Variants in TENM3 observed in about 807,000 individuals in gnomAD.
TENM3 encodes teneurin transmembrane protein 3.
Under a neutral mutation model 255.1 loss-of-function variants are expected in TENM3, and 63 were observed. The ratio of observed to expected loss-of-function variants is 0.25; its 90% CI spans 0.20 to 0.30. TENM3 has a LOEUF of 0.30. Ranked by LOEUF, TENM3 falls within the 10% of genes least tolerant of loss-of-function variation. TENM3 has a pLI of 1.00. For synonymous variants in TENM3, 1,306 were observed against 1,322.3 expected (o/e 0.99, Z 0.27); for missense variants, 2,929 against 3,461.1 (o/e 0.85, Z 3.86).
the TENM3 span, among the ~76,000 whole-genome samples, chr4:181,632,256 C>T: frequency 3.3e-5 from 5 of 151,986 alleles, no homozygotes; most frequent in African/African-American, 4.8e-5. Flanking sequence ...ACTTTTAAAC[C>T]GTCATATCTC....
At chr4:182,070,486 A>G in the TENM3 span, among the ~76,000 whole-genome samples, 1 of 152,084 alleles carries the variant, frequency 6.6e-6, no homozygotes. Context: ...GTGTAGCGGC[A>G]CACGCCTATA....
chr4:182,185,123 C>G (rs1385184257), intron 1 of TENM3, among the ~76,000 whole-genome samples: 1 of 152,118 alleles, frequency 6.6e-6, no homozygotes, highest in Non-Finnish European at 1.5e-5. Flanking sequence ...GGAAGGAGGA[C>G]AGAAGCTGTC....
At chr4:182,694,531 C>G in intron 12 of TENM3, among the ~76,000 whole-genome samples, 1 of 152,184 alleles carries the variant, frequency 6.6e-6, no homozygotes. Flanking sequence ...TTTTCATGTA[C>G]TTTTAGGCAG....
the TENM3 span, among the ~76,000 whole-genome samples, chr4:181,569,699 A>G: frequency 2.0e-5 from 3 of 152,194 alleles, no homozygotes; most frequent in African/African-American, 7.2e-5. Context: ...AGCCAATGAA[A>G]TAATTTCTGG....
the TENM3 span, among the ~76,000 whole-genome samples, chr4:181,836,700 C>T: frequency 5.6e-4 from 86 of 152,268 alleles, no homozygotes; most frequent in African/African-American, 2.0e-3. Context: ...AAGCCAGTGC[C>T]CTCCCATACT....
At chr4:182,699,796 C>G (rs1182347504) in intron 12 of TENM3, among the ~76,000 whole-genome samples, 1 of 151,946 alleles carries the variant, frequency 6.6e-6, no homozygotes, top group Non-Finnish European at 1.5e-5. Context: ...ACTAGAGGAT[C>G]TTTTTTCCAT....
chr4:182,320,212 T>G (rs1427365614), intron 1 of TENM3, among the ~76,000 whole-genome samples: 7 of 152,220 alleles, frequency 4.6e-5, no homozygotes, highest in Admixed American at 4.6e-4. Context: ...AGTTTAGACT[T>G]TGCAGGCCAT....
chr4:182,250,697 A>C (rs1016475180), intron 1 of TENM3, among the ~76,000 whole-genome samples: 2 of 152,260 alleles, frequency 1.3e-5, no homozygotes, highest in African/African-American at 4.8e-5. Context: ...TATAACCTCC[A>C]GGAAATTAGT....
chr4:181,483,641 A>G, the TENM3 span, among the ~76,000 whole-genome samples: 1 of 152,282 alleles, frequency 6.6e-6, no homozygotes, highest in African/African-American at 2.4e-5. Context: ...ATGGTTTTAC[A>G]TATATAATTT....
intron 1 of TENM3, among the ~76,000 whole-genome samples, chr4:182,177,409 G>A (rs1270551121): frequency 6.6e-6 from 1 of 152,040 alleles, no homozygotes; most frequent in Non-Finnish European, 1.5e-5. Context: ...ACTCAGAGGA[G>A]CATGTCCCCG....
the TENM3 span, among the ~76,000 whole-genome samples, chr4:182,011,118 G>C: frequency 6.6e-6 from 1 of 152,170 alleles, no homozygotes; most frequent in Non-Finnish European, 1.5e-5. Context: ...TCTCAAATGC[G>C]TATCTCCAGC....
chr4:182,651,922 G>C (rs139330903), intron 5 of TENM3, among the ~76,000 whole-genome samples: 27 of 152,272 alleles, frequency 1.8e-4, no homozygotes, highest in Admixed American at 1.6e-3. Context: ...TTAAAGTTTA[G>C]TTAATTACAT....
At chr4:181,844,336 T>C in the TENM3 span, among the ~76,000 whole-genome samples, 3 of 152,138 alleles carry the variant, frequency 2.0e-5, no homozygotes, top group Non-Finnish European at 4.4e-5. Context: ...TGAAATGACC[T>C]TTATTACTGA....
chr4:182,558,379 A>G (rs937311394), intron 3 of TENM3, among the ~76,000 whole-genome samples: 1 of 152,146 alleles, frequency 6.6e-6, no homozygotes, highest in Non-Finnish European at 1.5e-5. Context: ...CCAAAAATAC[A>G]TGGCATGGTA....
chr4:182,098,345 GAGAA>G, the TENM3 span, among the ~76,000 whole-genome samples: 2 of 152,088 alleles, frequency 1.3e-5, no homozygotes, highest in South Asian at 4.1e-4. Flanking sequence ...ATATACCCAA[GAGAA>G]AGGAAATCAG....
At chr4:181,488,789 G>A in the TENM3 span, among the ~76,000 whole-genome samples, 1 of 152,096 alleles carries the variant, frequency 6.6e-6, no homozygotes, top group Non-Finnish European at 1.5e-5. Flanking sequence ...TTATCTGGCA[G>A]GTTGAATGCA....
In TENM3 at chr4:182,677,313, G is replaced by T. The variant is rs78172051; in HGVS notation, c.1327-2353G>T. Among the ~76,000 whole-genome samples, 1,251 of 152,264 alleles carry T rather than the reference G, an allele frequency of 8.2e-3. 11 individuals carry two copies. Among genetic ancestry groups the T allele is most frequent in the Non-Finnish European group, 0.014 (922 of 68,028 alleles). On this transcript the variant is annotated intron_variant, in intron 7 of 27. Coordinates refer to ENST00000511685, the MANE Select transcript of TENM3 (RefSeq NM_001080477.4). ...CTGGCCTTATTTTATTGTTCACAGTGTGATGCGAATGGTTATTTCTATGAT... is the reference window on the plus strand; with the variant it reads ...CTGGCCTTATTTTATTGTTCACAGTTTGATGCGAATGGTTATTTCTATGAT...
At chr4:181,522,946 A>C in the TENM3 span, 8 of 737,760 alleles carry the variant, frequency 1.1e-5, no homozygotes, top group Middle Eastern at 2.5e-4. Flanking sequence ...AGAATGGCAA[A>C]GTATGAGAAG....
the TENM3 span, among the ~76,000 whole-genome samples, chr4:181,452,174 C>T: frequency 6.6e-6 from 1 of 152,050 alleles, no homozygotes; most frequent in East Asian, 1.9e-4. Context: ...GGGCAAAATC[C>T]ATATTGAAGA....
Sources: allele counts gnomAD v4.1 joint callset (sites outside exome capture counted in the v4.1 genomes callset), GRCh38; gene constraint gnomAD v4.1.1; transcripts MANE v1.5; gene names NCBI Gene and HGNC (gene_info 2026-07-23, HGNC 2026-07-21).